Variants in MROH1 observed in about 807,000 individuals in gnomAD.
MROH1 encodes maestro heat-like repeat-containing protein family member 1.
Under a neutral mutation model 116.5 loss-of-function variants are expected in MROH1, and 117 were observed. The observed-to-expected ratio is 1.00, with a 90% CI of 0.86 to 1.17. The LOEUF (loss-of-function observed/expected upper bound fraction) is 1.17, where lower values mean the gene tolerates loss of function less well. MROH1 is among the 50% of genes most tolerant of loss of function. The probability of loss-of-function intolerance (pLI) is 0.00; values close to 1 mark genes in which losing one functional copy is unlikely to be tolerated. For synonymous variants in MROH1, 921 were observed against 583.9 expected (o/e 1.58, Z -8.32); for missense variants, 1,873 against 1,338.5 (o/e 1.40, Z -6.23).
chr8:144,167,347 TTGTGGGGTGGAGTGGCCAGA>T (rs1425919186), intron 3 of MROH1, among the ~76,000 whole-genome samples: 3 of 121,268 alleles, frequency 2.5e-5, no homozygotes, highest in African/African-American at 9.8e-5. Context: ...GAGTGGCCGG[TTGTGGGGTGGAGTGGCCAGA>T]TGTGGGGTGG....
At chr8:144,192,205 TG>T in intron 9 of MROH1, 103 bp from the exon 10 acceptor site, 1 of 977,972 alleles carries the variant, frequency 1.0e-6, no homozygotes, top group Non-Finnish European at 1.5e-6. Flanking sequence ...CATGTCCTCC[TG>T]GCCCATGTCT....
chr8:144,192,573 T>C (rs1311170349), intron 10 of MROH1, 172 bp downstream of exon 10: 10 of 711,876 alleles, frequency 1.4e-5, no homozygotes, highest in Middle Eastern at 2.3e-4. Context: ...GTGGCGATGC[T>C]CTTGCCCTGC....
chr8:144,220,329 G>T (rs1348611429), intron 12 of MROH1, among the ~76,000 whole-genome samples: 1 of 152,172 alleles, frequency 6.6e-6, no homozygotes, highest in Non-Finnish European at 1.5e-5. Context: ...AACTTCCCCG[G>T]CGTTGGAACC....
At chr8:144,152,637 C>G (rs1817105666) in intron 1 of MROH1, among the ~76,000 whole-genome samples, 1 of 151,294 alleles carries the variant, frequency 6.6e-6, no homozygotes, top group African/African-American at 2.4e-5. Context: ...AGCTCCGCCT[C>G]CTGGGTTCAT....
intron 31 of MROH1, among the ~76,000 whole-genome samples, chr8:144,247,941 G>A (rs1650063036): frequency 6.6e-6 from 1 of 152,250 alleles, no homozygotes; most frequent in African/African-American, 2.4e-5. Context: ...AGGCCAAGGA[G>A]AGAATGGGGT....
At chr8:144,175,455 C>A in intron 4 of MROH1, 4 of 978,820 alleles carry the variant, frequency 4.1e-6, no homozygotes, top group Non-Finnish European at 4.9e-6. Flanking sequence ...AGAACCAGAC[C>A]AATTTACACT....
At chr8:144,202,540 G>T (rs539423874) in intron 12 of MROH1, among the ~76,000 whole-genome samples, 2 of 132,188 alleles carry the variant, frequency 1.5e-5, no homozygotes, top group African/African-American at 2.9e-5. Context: ...GGAGGGCAGC[G>T]CCCCGCTCTG....
At chr8:144,166,865 C>T (rs1328626475) in intron 3 of MROH1, among the ~76,000 whole-genome samples, 2 of 152,208 alleles carry the variant, frequency 1.3e-5, no homozygotes, top group Non-Finnish European at 2.9e-5. Flanking sequence ...AGATGCAGAC[C>T]CAGTTCAGTA....
At chr8:144,169,553 G>A (rs903972270) in intron 4 of MROH1, among the ~76,000 whole-genome samples, 11 of 151,148 alleles carry the variant, frequency 7.3e-5, no homozygotes, top group Non-Finnish European at 1.5e-4. Flanking sequence ...CCGGGTTCAA[G>A]CGATTCTCCT....
intron 12 of MROH1, among the ~76,000 whole-genome samples, chr8:144,204,302 G>A (rs1832364555): frequency 6.6e-6 from 1 of 152,102 alleles, no homozygotes; most frequent in African/African-American, 2.4e-5. Context: ...TGTAGAAATG[G>A]GGTCTACTTA....
rs1190770791 is a variant in MROH1 at position 144,192,375 on chromosome 8, G to A, written c.922G>A (p.Ala308Thr). The A allele has an allele frequency of 6.3e-7, 1 of 1,595,598 alleles. No individual in the cohort carries two copies. Among genetic ancestry groups the A allele is most frequent in the Non-Finnish European group, 8.5e-7 (1 of 1,174,514 alleles). Residue 308 changes from alanine to threonine, a missense_variant, in exon 10 of 44, where the codon GCC becomes ACC. By Grantham distance (58) the Ala-to-Thr change is moderately conservative. Transcript: ENST00000326134. ...CCGCACACTGGAGACCCAGCTGGAT[G>A]CCCTCTTGGCTGCACTGCACTCCCA... Reference protein sequence around the residue: ...GSRTLETQLDALLAALHSQIC... With the variant: ...GSRTLETQLDTLLAALHSQIC...
At chr8:144,183,558 G>A (rs928795261) in intron 7 of MROH1, among the ~76,000 whole-genome samples, 2 of 151,758 alleles carry the variant, frequency 1.3e-5, no homozygotes, top group African/African-American at 4.8e-5. Flanking sequence ...GGTCAAGAGG[G>A]GAGGTGAGAG....
At position 144,191,906 on chromosome 8, in the gene MROH1, A is replaced by G. The variant is rs913803275; in HGVS notation, c.855+51A>G. On this transcript the variant is annotated intron_variant, in intron 9 of 43. Coordinates refer to ENST00000326134, the MANE Select transcript of MROH1 (RefSeq NM_032450.3). The stretch of plus-strand genomic sequence containing the variant: ...TGTCCCCGAGGACCCCTCCAATCAG[A>G]CTCCCCGGGGGTGGCCGTGAGTCCT... 1.1e-5 allele frequency: 18 copies of G among 1,602,152 alleles called. No individual in the cohort carries two copies. In the African/African-American group the frequency reaches 2.2e-4, roughly 19 times the overall value.
At chr8:144,217,942 A>AGGATCCCTCTGGGTGGCTGCGTTAGCG (rs1564500518) in intron 12 of MROH1, among the ~76,000 whole-genome samples, 24 of 113,262 alleles carry the variant, frequency 2.1e-4, no homozygotes, top group African/African-American at 7.8e-4. Flanking sequence ...CTGCGTTAGC[A>AGGATCCCTCTGGGTGGCTGCGTTAGCG]GCCCAGGATC....
At position 144,241,437 on chromosome 8, in the gene MROH1, G is replaced by C. The variant is rs960604247; in HGVS notation, c.2098G>C (p.Glu700Gln). The change falls in exon 22 of 44, where the codon GAG becomes CAG. Residue 700 changes from glutamate to glutamine, a missense_variant. Glu to Gln is a conservative substitution (Grantham distance 29). Coordinates refer to ENST00000326134, the MANE Select transcript of MROH1 (RefSeq NM_032450.3). The part of the protein sequence containing the change: ...CFGICAISHL[E>Q]DTLAQLEDFV... ...CGGGATCTGTGCCATCTCCCACCTC[G>C]AGGACACGCTGGCCCAGCTGGAGGA... 1.3e-6 allele frequency: 1 copy of C among 778,704 alleles called. No individual in the cohort carries two copies. Among genetic ancestry groups the C allele is most frequent in the Non-Finnish European group, 2.4e-6 (1 of 417,802 alleles). The allele number at this position is 778,704 out of a possible 1,614,324, so 48.2% of individuals were successfully genotyped here.
chr8:144,150,574 G>A (rs1476785842), intron 1 of MROH1, among the ~76,000 whole-genome samples: 1 of 152,234 alleles, frequency 6.6e-6, no homozygotes, highest in Non-Finnish European at 1.5e-5. Flanking sequence ...GTGTTCAACT[G>A]TGTGCTGGCC....
intron 35 of MROH1, among the ~76,000 whole-genome samples, chr8:144,258,143 C>T (rs1015407587): frequency 9.2e-5 from 14 of 152,324 alleles, no homozygotes; most frequent in African/African-American, 3.4e-4. Context: ...CAGTTTCTGG[C>T]CCAGCCACTG....
At chr8:144,255,777 G>C (rs961571254) in intron 35 of MROH1, 72 bp downstream of exon 35, 16 of 687,956 alleles carry the variant, frequency 2.3e-5, no homozygotes, top group Non-Finnish European at 3.8e-5. Flanking sequence ...CGCGCGTGGT[G>C]GGGGCGGACG....
At chr8:144,211,836 G>T (rs2132127462) in intron 12 of MROH1, among the ~76,000 whole-genome samples, 1 of 152,284 alleles carries the variant, frequency 6.6e-6, no homozygotes, top group African/African-American at 2.4e-5. Flanking sequence ...TCCAGAGGTG[G>T]TTTGGAAGGA....
Sources: gnomAD v4.1 joint callset for allele counts (sites outside exome capture counted in the v4.1 genomes callset) on GRCh38, gnomAD v4.1.1 for gene constraint, MANE v1.5 for transcripts, NCBI Gene and HGNC (gene_info 2026-07-23, HGNC 2026-07-21) for gene names.